KHDRBS2: variants seen among roughly 807,000 people sequenced by gnomAD.
KHDRBS2 encodes the protein KH RNA binding domain containing, signal transduction associated 2.
Under a neutral mutation model 44.3 loss-of-function variants are expected in KHDRBS2, and 26 were observed. The ratio of observed to expected loss-of-function variants is 0.59; its 90% confidence interval spans 0.43 to 0.81. The LOEUF is 0.81. KHDRBS2 is among the 40% of genes least tolerant of loss of function. KHDRBS2 has a pLI of 0.00. For missense variants in KHDRBS2, 476 were observed against 433.1 expected (o/e 1.10, Z -0.88); for synonymous variants, 194 against 151.1 (o/e 1.28, Z -2.08).
At chr6:61,741,000 C>T (rs1417410957) in intron 6 of KHDRBS2, among the ~76,000 whole-genome samples, 5 of 151,774 alleles carry the variant, frequency 3.3e-5, no homozygotes, top group Non-Finnish European at 4.4e-5. Flanking sequence ...GCACTACTTC[C>T]GCTCTAGGAA....
chr6:62,074,215 T>C (rs564889722), intron 2 of KHDRBS2, among the ~76,000 whole-genome samples: 45 of 151,902 alleles, frequency 3.0e-4, no homozygotes, highest in African/African-American at 9.9e-4. Flanking sequence ...TAAGCTAGGA[T>C]CCAGTTAAGC....
chr6:62,101,691 A>G (rs1801937499), intron 2 of KHDRBS2, among the ~76,000 whole-genome samples: 1 of 152,238 alleles, frequency 6.6e-6, no homozygotes, highest in Non-Finnish European at 1.5e-5. Flanking sequence ...AACAAATGAA[A>G]GAAACATAAG....
At chr6:61,603,253 C>T in the KHDRBS2 span, among the ~76,000 whole-genome samples, 1 of 152,212 alleles carries the variant, frequency 6.6e-6, no homozygotes, top group Admixed American at 6.5e-5. Context: ...GCCTTATCCA[C>T]CAAATTGTCT....
the KHDRBS2 span, among the ~76,000 whole-genome samples, chr6:61,647,865 G>A: frequency 6.6e-6 from 1 of 152,034 alleles, no homozygotes; most frequent in Non-Finnish European, 1.5e-5. Context: ...TGATGTAGAG[G>A]TCACAGACTT....
At chr6:61,996,863 A>G (rs907786572) in intron 3 of KHDRBS2, among the ~76,000 whole-genome samples, 2 of 131,438 alleles carry the variant, frequency 1.5e-5, no homozygotes, top group African/African-American at 5.9e-5. Flanking sequence ...GGCTCACTGC[A>G]ACCTCTGCGC....
intron 2 of KHDRBS2, among the ~76,000 whole-genome samples, chr6:62,112,616 T>C (rs1430489131): frequency 6.6e-6 from 1 of 152,110 alleles, no homozygotes; most frequent in Non-Finnish European, 1.5e-5. Flanking sequence ...TGAGAATCCT[T>C]TTCATAAATG....
chr6:61,821,125 C>T (rs1789840707), intron 6 of KHDRBS2, among the ~76,000 whole-genome samples: 3 of 151,830 alleles, frequency 2.0e-5, no homozygotes, highest in South Asian at 2.1e-4. Flanking sequence ...ATCTATGTTT[C>T]CTCATCAATT....
chr6:61,742,097 T>C (rs1776217065), intron 6 of KHDRBS2, among the ~76,000 whole-genome samples: 1 of 151,756 alleles, frequency 6.6e-6, no homozygotes, highest in Non-Finnish European at 1.5e-5. Flanking sequence ...ATTATGAGGG[T>C]CAAGATAATA....
chr6:61,985,861 A>G (rs1774962997), intron 3 of KHDRBS2, among the ~76,000 whole-genome samples: 1 of 152,148 alleles, frequency 6.6e-6, no homozygotes, highest in African/African-American at 2.4e-5. Flanking sequence ...TCTATGATAC[A>G]TGACCAGCAA....
At chr6:61,966,060 A>G (rs1245014258) in intron 4 of KHDRBS2, among the ~76,000 whole-genome samples, 1 of 151,982 alleles carries the variant, frequency 6.6e-6, no homozygotes, top group East Asian at 1.9e-4. Flanking sequence ...AACTGTTATG[A>G]TTGATATCAG....
intron 8 of KHDRBS2, among the ~76,000 whole-genome samples, chr6:61,687,087 C>T (rs1027346338): frequency 1.3e-5 from 2 of 151,648 alleles, no homozygotes; most frequent in African/African-American, 2.4e-5. Flanking sequence ...CATGTATTCC[C>T]ACTATTTGTA....
chr6:61,798,403 T>A (rs2127588426), intron 6 of KHDRBS2, among the ~76,000 whole-genome samples: 1 of 152,262 alleles, frequency 6.6e-6, no homozygotes, highest in East Asian at 1.9e-4. Context: ...TGAGACCACA[T>A]TCTTTACCAA....
intron 7 of KHDRBS2, among the ~76,000 whole-genome samples, chr6:61,732,158 G>T (rs1455490624): frequency 6.6e-6 from 1 of 151,874 alleles, no homozygotes; most frequent in Non-Finnish European, 1.5e-5. Context: ...TGACTTTGAA[G>T]ACATAAAAAA....
chr6:62,110,372 C>A (rs1246171112), intron 2 of KHDRBS2, among the ~76,000 whole-genome samples: 1 of 152,018 alleles, frequency 6.6e-6, no homozygotes, highest in Admixed American at 6.6e-5. Context: ...AAGACTTCTA[C>A]ACTAACATTT....
the KHDRBS2 span, among the ~76,000 whole-genome samples, chr6:61,655,579 T>G: frequency 6.6e-6 from 1 of 152,014 alleles, no homozygotes; most frequent in Admixed American, 6.6e-5. Context: ...TAAGACATAT[T>G]TTTTTTCTGC....
intron 1 of KHDRBS2, among the ~76,000 whole-genome samples, chr6:62,183,067 T>C (rs1477027246): frequency 1.1e-4 from 16 of 151,826 alleles, no homozygotes; most frequent in Admixed American, 1.1e-3. Context: ...TTATCGGACC[T>C]CAAAATAGAA....
intron 1 of KHDRBS2, 24 bp downstream of exon 1, chr6:62,285,834 C>A (rs377435882): frequency 3.8e-6 from 6 of 1,577,362 alleles, no homozygotes; most frequent in African/African-American, 1.4e-5. Context: ...GCGGTTTGTG[C>A]CCATCTGTGG....
chr6:61,925,659 C>A (rs528588005), intron 4 of KHDRBS2, among the ~76,000 whole-genome samples: 2 of 149,722 alleles, frequency 1.3e-5, no homozygotes, highest in East Asian at 2.0e-4. Context: ...GAGGTTGAGG[C>A]GGCAGTGAGC....
intron 1 of KHDRBS2, among the ~76,000 whole-genome samples, chr6:62,230,733 A>T (rs1198942501): frequency 1.3e-5 from 2 of 152,224 alleles, no homozygotes; most frequent in Non-Finnish European, 2.9e-5. Flanking sequence ...TAAGATTCAC[A>T]GGGCAATTAA....
Sources: allele counts gnomAD v4.1 joint callset (sites outside exome capture counted in the v4.1 genomes callset), GRCh38; gene constraint gnomAD v4.1.1; transcripts MANE v1.5; gene names NCBI Gene and HGNC (gene_info 2026-07-23, HGNC 2026-07-21).